The following CDKAL1 variants were observed in gnomAD, a reference collection of about 807,000 sequenced individuals.
The protein encoded by CDKAL1 is CDKAL1 threonylcarbamoyladenosine tRNA methylthiotransferase.
Under a neutral mutation model 68.2 loss-of-function variants are expected in CDKAL1, and 32 were observed. The observed-to-expected ratio is 0.47, with a 90% CI of 0.35 to 0.63. The LOEUF (loss-of-function observed/expected upper bound fraction) is 0.63, where lower values mean the gene tolerates loss of function less well. CDKAL1 is among the 30% of genes least tolerant of loss of function. CDKAL1 has a pLI of 0.00. For missense variants in CDKAL1, 606 were observed against 696.7 expected (o/e 0.87, Z 1.47); for synonymous variants, 234 against 244.3 (o/e 0.96, Z 0.39).
chr6:20,859,018 A>G (rs1190379473), intron 9 of CDKAL1, among the ~76,000 whole-genome samples: 4 of 152,158 alleles, frequency 2.6e-5, no homozygotes, highest in Admixed American at 6.5e-5. Flanking sequence ...AAAGAATTGC[A>G]TATTATCCAT....
At chr6:20,897,518 C>T (rs865829792) in intron 9 of CDKAL1, among the ~76,000 whole-genome samples, 4 of 152,126 alleles carry the variant, frequency 2.6e-5, no homozygotes, top group African/African-American at 9.7e-5. Flanking sequence ...AGATAACATA[C>T]ATCTGTAATA....
At position 20,871,664 on chromosome 6, in the gene CDKAL1, T is replaced by C. The variant is rs557941182; in HGVS notation, c.742+25486T>C. On this transcript the variant is annotated intron_variant, in intron 9 of 15. Coordinates refer to ENST00000274695, the MANE Select transcript of CDKAL1 (RefSeq NM_017774.3). ...AGAAGGTTTGTGCTGTCTTGGCCCT[T>C]GACCAAGACCTCTAGTTGATAGATC... is the stretch of plus-strand genomic sequence containing the variant. 2.6e-5 allele frequency among the ~76,000 whole-genome samples: 4 copies of C among 152,278 alleles called. No homozygotes were observed. The South Asian group carries it at 8.3e-4, about 32-fold the overall frequency.
intron 13 of CDKAL1, among the ~76,000 whole-genome samples, chr6:21,174,837 G>A (rs1354843903): frequency 3.3e-5 from 5 of 152,024 alleles, no homozygotes; most frequent in East Asian, 3.9e-4. Flanking sequence ...AGAGATATGC[G>A]TTATTGTTGG....
At chr6:21,132,070 A>C (rs1298101081) in intron 13 of CDKAL1, among the ~76,000 whole-genome samples, 1 of 152,146 alleles carries the variant, frequency 6.6e-6, no homozygotes. Context: ...GAATACAGAG[A>C]GTTGGATAAG....
chr6:20,891,722 A>T (rs953825738), intron 9 of CDKAL1, among the ~76,000 whole-genome samples: 7 of 151,766 alleles, frequency 4.6e-5, no homozygotes, highest in Non-Finnish European at 7.4e-5. Flanking sequence ...TTTCATAGAG[A>T]CAGGGTTTCA....
intron 9 of CDKAL1, among the ~76,000 whole-genome samples, chr6:20,912,646 AT>A (rs367600345): frequency 2.4e-4 from 36 of 151,938 alleles, no homozygotes; most frequent in African/African-American, 5.8e-4. Flanking sequence ...TACTAGACAT[AT>A]TTTTTTTAAC....
chr6:20,588,791 T>G (rs1449950522), intron 4 of CDKAL1, among the ~76,000 whole-genome samples: 1 of 152,200 alleles, frequency 6.6e-6, no homozygotes, highest in Non-Finnish European at 1.5e-5. Context: ...TTTTACATTT[T>G]AATGCTGTTT....
At chr6:20,985,091 T>C (rs371678708) in intron 10 of CDKAL1, among the ~76,000 whole-genome samples, 2 of 152,052 alleles carry the variant, frequency 1.3e-5, no homozygotes, top group East Asian at 1.9e-4. Flanking sequence ...TTTCAAATAC[T>C]TTTTTTTAGG....
rs759073576 is a variant in CDKAL1, at chr6:20,546,458, G to A, written c.108G>A (p.Pro36=). 7 of 1,614,020 alleles carry A rather than the reference G, an allele frequency of 4.3e-6. No individual in the cohort carries two copies. The highest frequency in any genetic ancestry group is 1.3e-5 in the African/African-American group (1 of 74,946). ...ATTTTGTAAGAAAGGATGTTGTCCC[G>A]AAGGTACGAAGGCGAAATACCCAAA... ...DRHFVRKDVV[P]KVRRRNTQKY... Residue 36 remains proline (P), a synonymous_variant, in exon 3 of 16, where the codon CCG becomes CCA. Coordinates refer to ENST00000274695, the MANE Select transcript of CDKAL1 (RefSeq NM_017774.3).
At chr6:21,182,277 T>C (rs1415972123) in intron 13 of CDKAL1, among the ~76,000 whole-genome samples, 1 of 152,242 alleles carries the variant, frequency 6.6e-6, no homozygotes, top group Non-Finnish European at 1.5e-5. Flanking sequence ...TTAGCAATTT[T>C]TCAAAAGGTT....
intron 13 of CDKAL1, among the ~76,000 whole-genome samples, chr6:21,166,262 G>C (rs1777148659): frequency 6.6e-6 from 1 of 152,140 alleles, no homozygotes; most frequent in Non-Finnish European, 1.5e-5. Context: ...AGAAAATGAG[G>C]TATGACGTGA....
intron 8 of CDKAL1, among the ~76,000 whole-genome samples, chr6:20,840,440 A>T (rs12210803): frequency 0.1 from 15,855 of 152,276 alleles, 903 homozygotes; most frequent in African/African-American, 0.13. Context: ...GGAATAGAGT[A>T]AGAGCAAATA....
chr6:20,853,502 G>A (rs1245976404), intron 9 of CDKAL1, among the ~76,000 whole-genome samples: 1 of 152,054 alleles, frequency 6.6e-6, no homozygotes, highest in Non-Finnish European at 1.5e-5. Context: ...ATTCTTCATG[G>A]CAGAACTTCT....
intron 13 of CDKAL1, among the ~76,000 whole-genome samples, chr6:21,165,022 A>AGTGCTT (rs1777095315): frequency 6.6e-6 from 1 of 152,314 alleles, no homozygotes; most frequent in African/African-American, 2.4e-5. Context: ...GTGAAAGCAA[A>AGTGCTT]AACCCTTTCT....
chr6:20,696,587 C>G (rs1375740253), intron 5 of CDKAL1, among the ~76,000 whole-genome samples: 1 of 152,094 alleles, frequency 6.6e-6, no homozygotes, highest in Non-Finnish European at 1.5e-5. Context: ...CAACAAAAAA[C>G]TGTTTGTATT....
intron 5 of CDKAL1, among the ~76,000 whole-genome samples, chr6:20,722,011 G>A (rs192284240): frequency 4.9e-4 from 74 of 152,042 alleles, no homozygotes; most frequent in African/African-American, 1.7e-3. Flanking sequence ...GATTACAGGC[G>A]TGAGCCACCG....
chr6:20,729,276 C>A (rs1376361620), intron 5 of CDKAL1, among the ~76,000 whole-genome samples: 1 of 152,182 alleles, frequency 6.6e-6, no homozygotes, highest in Non-Finnish European at 1.5e-5. Flanking sequence ...TTCTAAGGAG[C>A]TTGTCAGGAT....
chr6:21,201,489 C>CT (rs1411098377), intron 15 of CDKAL1, among the ~76,000 whole-genome samples: 1 of 152,186 alleles, frequency 6.6e-6, no homozygotes, highest in Non-Finnish European at 1.5e-5. Flanking sequence ...AGAATAAGCT[C>CT]TTTCTGCTTC....
chr6:21,092,130 C>A (rs1773059942), intron 12 of CDKAL1, among the ~76,000 whole-genome samples: 1 of 150,346 alleles, frequency 6.7e-6, no homozygotes, highest in Non-Finnish European at 1.5e-5. Flanking sequence ...TCGTGATCCG[C>A]CCGCCTCGGC....
Sources: gnomAD v4.1 joint callset for allele counts (sites outside exome capture counted in the v4.1 genomes callset) on GRCh38, gnomAD v4.1.1 for gene constraint, MANE v1.5 for transcripts, NCBI Gene and HGNC (gene_info 2026-07-23, HGNC 2026-07-21) for gene names.